PLXNA1: variants seen among roughly 807,000 people sequenced by gnomAD.
PLXNA1 encodes plexin A1.
PLXNA1 carries 77 observed loss-of-function variants against 191.7 expected under a neutral mutation model. That is an observed-to-expected ratio of 0.40 (90% CI 0.33 to 0.49). The LOEUF is 0.49. Among genes scored for constraint, PLXNA1 ranks in the 20% least tolerant of loss-of-function variants. The pLI, the probability that PLXNA1 is intolerant of heterozygous loss-of-function variation, is 0.63. For synonymous variants in PLXNA1, 1,137 were observed against 1,156.4 expected (o/e 0.98, Z 0.34); for missense variants, 2,110 against 2,660.2 (o/e 0.79, Z 4.55).
intron 9 of PLXNA1, among the ~76,000 whole-genome samples, chr3:127,008,211 T>C (rs2079078215): frequency 6.6e-6 from 1 of 152,136 alleles, no homozygotes. Flanking sequence ...GTTCTGTCCC[T>C]GGGCCTCTGT....
rs2107641809 is a variant in PLXNA1 at position 127,037,332 on chromosome 3, A to T, written c.*3315A>T. On this transcript the variant is annotated 3_prime_UTR_variant, in exon 32 of 32. Coordinates refer to ENST00000393409, the MANE Select transcript of PLXNA1 (RefSeq NM_032242.4). ...TATTTCCTATTTTACTGTTCTTCAGATTTAGTACTTGTAAATAAACACACA... is the reference window on the plus strand; with the variant it reads ...TATTTCCTATTTTACTGTTCTTCAGTTTTAGTACTTGTAAATAAACACACA... The T allele has an allele frequency of 6.5e-6, 1 of 152,744 alleles. No homozygotes were observed. Among genetic ancestry groups the T allele is most frequent in the East Asian group, 1.9e-4 (1 of 5,172 alleles). The allele number at this position is 152,744 out of a possible 1,614,324, so 9.5% of individuals were successfully genotyped here. A position where few individuals can be genotyped will look rare whatever the true frequency, so the allele number is the denominator to read the frequency against.
chr3:127,001,359 G>A (rs1340775605), intron 3 of PLXNA1, among the ~76,000 whole-genome samples: 2 of 151,968 alleles, frequency 1.3e-5, no homozygotes, highest in East Asian at 3.9e-4. Context: ...TGTCCTTGTT[G>A]AGACACCTCT....
chr3:127,018,064 C>T (rs1467732184), intron 19 of PLXNA1, among the ~76,000 whole-genome samples, 172 bp downstream of exon 19: 2 of 152,086 alleles, frequency 1.3e-5, no homozygotes, highest in Non-Finnish European at 2.9e-5. Flanking sequence ...CCTCCTTGAG[C>T]CCCCCGAGAC....
chr3:127,022,303 C>T lies in PLXNA1; in HGVS notation c.4257C>T (p.Asn1419=), dbSNP rs1559964278. The change falls in exon 22 of 32, where the codon AAC becomes AAT. Residue 1419 remains asparagine (N), a synonymous_variant. Transcript: ENST00000393409. ...KQLLSDLIEK[N]LESKNHPKLL... Reference sequence around the variant, plus strand: ...TGCTTTCCGACCTCATCGAGAAGAACCTGGAGAGCAAGAACCACCCCAAGC... The same window carrying T: ...TGCTTTCCGACCTCATCGAGAAGAATCTGGAGAGCAAGAACCACCCCAAGC... The T allele has an allele frequency of 6.2e-7, 1 of 1,612,814 alleles. No individual in the cohort carries two copies. Among genetic ancestry groups the T allele is most frequent in the Non-Finnish European group, 8.5e-7 (1 of 1,179,304 alleles).
rs373733764 is a variant in PLXNA1, at chr3:127,022,937, G to A, written c.4362+119G>A. ...AATGACAGCTGGTGGGGTCTTGGTC[G>A]AGTTCTGGCTTGGGCCAAGGCCCCT... On this transcript the variant is annotated intron_variant, in intron 23 of 31. Transcript: ENST00000393409. 1.7e-5 allele frequency: 16 copies of A among 930,236 alleles called. No individual in the cohort carries two copies. In the East Asian group the frequency reaches 2.3e-4, roughly 13 times the overall value. The allele number at this position is 930,236 out of a possible 1,614,324, so 57.6% of individuals were successfully genotyped here.
In PLXNA1 at chr3:127,016,919, C is replaced by A. The variant is rs528415480; in HGVS notation, c.3183-25C>A. 1.3e-5 allele frequency: 21 copies of A among 1,574,504 alleles called. No homozygotes were observed. The East Asian group carries it at 3.8e-4, about 29-fold the overall frequency. Reference sequence around the variant, plus strand: ...ACTGGGCCCCAGCATCATTTGGTGACCCCCCCACCCCTGTCCTGTTCCAGC... The same window carrying A: ...ACTGGGCCCCAGCATCATTTGGTGAACCCCCCACCCCTGTCCTGTTCCAGC... On this transcript the variant is annotated intron_variant, in intron 16 of 31. Coordinates refer to ENST00000393409, the MANE Select transcript of PLXNA1 (RefSeq NM_032242.4).
chr3:127,006,124 G>C lies in PLXNA1; in HGVS notation c.1943G>C (p.Gly648Ala). Residue 648 changes from glycine to alanine, a missense_variant, in exon 8 of 32, where the codon GGG becomes GCG. This residue lies in a region of PLXNA1 where 903 missense variants were observed against 1,015.7 expected (regional missense o/e 0.89). Transcript: ENST00000393409. ...CTCTACCTAAAGTCCAAGGAGACAG[G>C]GAAGAAGTTTGCGTCTGTGGACTTC... ...VKLYLKSKET[G>A]KKFASVDFVF... 1 of 1,613,910 alleles carries C rather than the reference G, an allele frequency of 6.2e-7. No homozygotes were observed. Among genetic ancestry groups the C allele is most frequent in the African/African-American group, 1.3e-5 (1 of 75,058 alleles).
In PLXNA1 at chr3:127,011,074, G is replaced by A. The variant is rs373535591; in HGVS notation, c.2113-884G>A. ...GCCTCAGCATGCAGAGTCACTGGGC[G>A]CGCCTCAGACTGCCAGGGAGGTACA... On this transcript the variant is annotated intron_variant, in intron 9 of 31. Transcript: ENST00000393409. 2.6e-3 allele frequency among the ~76,000 whole-genome samples: 395 copies of A among 152,346 alleles called. 4 individuals are homozygous for A. Among genetic ancestry groups the A allele is most frequent in the African/African-American group, 8.5e-3 (354 of 41,586 alleles).
chr3:127,004,939 G>T lies in PLXNA1; in HGVS notation c.1674G>T (p.Ala558=). The T allele has an allele frequency of 6.2e-7, 1 of 1,608,914 alleles. No homozygotes were observed. The highest frequency in any genetic ancestry group is 8.5e-7 in the Non-Finnish European group (1 of 1,176,940). ...ERADEPQRFA[A]DLLQCVQLTV... is the part of the protein sequence containing the mutation. Reference sequence around the variant, plus strand: ...CAGACGAGCCCCAGCGCTTTGCTGCGGACCTGCTGCAGTGTGTGCAGCTGA... The same window carrying T: ...CAGACGAGCCCCAGCGCTTTGCTGCTGACCTGCTGCAGTGTGTGCAGCTGA... Residue 558 remains alanine, a synonymous_variant, in exon 6 of 32, where the codon GCG becomes GCT. Coordinates refer to ENST00000393409, the MANE Select transcript of PLXNA1 (RefSeq NM_032242.4).
chr3:126,998,369 G>A (rs933102830), intron 3 of PLXNA1, among the ~76,000 whole-genome samples: 1 of 152,164 alleles, frequency 6.6e-6, no homozygotes, highest in Non-Finnish European at 1.5e-5. Flanking sequence ...AGGGCACCAG[G>A]CAGCTGGTGG....
chr3:126,984,625 G>T (rs568555363), intron 1 of PLXNA1, among the ~76,000 whole-genome samples: 1 of 151,508 alleles, frequency 6.6e-6, no homozygotes, highest in Non-Finnish European at 1.5e-5. Context: ...ATTCCTGGGG[G>T]GTGCCAGTGG....
intron 3 of PLXNA1, among the ~76,000 whole-genome samples, chr3:126,996,302 G>A (rs1006671711): frequency 1.3e-5 from 2 of 152,180 alleles, no homozygotes; most frequent in Non-Finnish European, 1.5e-5. Context: ...GCTGCCTGGG[G>A]ACAAGGAACA....
Position 127,036,228 on chromosome 3 carries a change from G to A in PLXNA1, c.*2211G>A, listed in dbSNP as rs3749396. On this transcript the variant is annotated 3_prime_UTR_variant, in exon 32 of 32. Coordinates refer to ENST00000393409, the MANE Select transcript of PLXNA1 (RefSeq NM_032242.4). ...GTCCCTGGTTCTTCCAGTTCCTCACGGGTTAGGTAGGGGCTCCTGCATCAC... is the reference window on the plus strand; with the variant it reads ...GTCCCTGGTTCTTCCAGTTCCTCACAGGTTAGGTAGGGGCTCCTGCATCAC... 1 of 152,654 alleles carries A rather than the reference G, an allele frequency of 6.6e-6. No individual in the cohort carries two copies. Among genetic ancestry groups the A allele is most frequent in the Admixed American group, 6.5e-5 (1 of 15,282 alleles). The allele number at this position is 152,654 out of a possible 1,614,324, so 9.5% of individuals were successfully genotyped here.
rs375859367 is a variant in PLXNA1 at position 126,988,613 on chromosome 3, G to A, written c.20G>A (p.Ser7Asn). MPLPPR[S>N]LQVLLLLLLL... The stretch of plus-strand genomic sequence containing the variant: ...CCTGCCATGCCGCTGCCACCGCGGA[G>A]CCTGCAGGTGCTCCTGCTGCTGCTG... Residue 7 changes from serine to asparagine, a missense_variant, in exon 2 of 32, where the codon AGC becomes AAC. Coordinates refer to ENST00000393409, the MANE Select transcript of PLXNA1 (RefSeq NM_032242.4). The A allele has an allele frequency of 6.4e-7, 1 of 1,553,176 alleles. No homozygotes were observed. The highest frequency in any genetic ancestry group is 8.7e-7 in the Non-Finnish European group (1 of 1,151,098).
Position 127,035,711 on chromosome 3 carries a change from A to G in PLXNA1, c.*1694A>G, listed in dbSNP as rs1259853040. On this transcript the variant is annotated 3_prime_UTR_variant, in exon 32 of 32. Coordinates refer to ENST00000393409, the MANE Select transcript of PLXNA1 (RefSeq NM_032242.4). ...ATCCCATGGACATTAAGGGACAGCT[A>G]ACTGTGGCCAGACTCAGCCCCATGT... 1.3e-5 allele frequency: 2 copies of G among 152,462 alleles called. No homozygotes were observed. Among genetic ancestry groups the G allele is most frequent in the South Asian group, 2.1e-4 (1 of 4,824 alleles). 9.4% of individuals were successfully genotyped at this position (152,462 alleles called of 1,614,324 possible).
At position 127,028,017 on chromosome 3, in the gene PLXNA1, C is replaced by A. The variant is rs1252436035; in HGVS notation, c.4440C>A (p.Ile1480=). ...QQMEKGPIDA[I]TGEARYSLSE... is the part of the protein sequence containing the mutation. ...TGGAGAAGGGCCCCATTGACGCCAT[C>A]ACGGGTGAGGCACGCTACTCCCTGA... is the stretch of plus-strand genomic sequence containing the variant. Residue 1480 remains isoleucine, a synonymous_variant, in exon 24 of 32, where the codon ATC becomes ATA. Coordinates refer to ENST00000393409, the MANE Select transcript of PLXNA1 (RefSeq NM_032242.4). The A allele has an allele frequency of 6.2e-7, 1 of 1,613,924 alleles. No homozygotes were observed. Among genetic ancestry groups the A allele is most frequent in the African/African-American group, 1.3e-5 (1 of 74,928 alleles).
intron 4 of PLXNA1, 32 bp from the exon 5 acceptor site, chr3:127,004,579 A>C (rs2079056180): frequency 1.4e-6 from 2 of 1,476,218 alleles, no homozygotes; most frequent in South Asian, 1.2e-5. Context: ...CTGGGGTGGT[A>C]CTGGAGGGGC....
intron 19 of PLXNA1, 79 bp from the exon 20 acceptor site, chr3:127,018,214 TG>T: frequency 8.0e-7 from 1 of 1,245,934 alleles, no homozygotes; most frequent in Non-Finnish European, 1.1e-6. Flanking sequence ...GTGTTGGGGG[TG>T]GGTCTTGCCC....
Position 127,004,966 on chromosome 3 carries a change from T to G in PLXNA1, c.1701T>G (p.Thr567=), listed in dbSNP as rs1428226277. The change falls in exon 6 of 32, where the codon ACT becomes ACG. Residue 567 remains threonine (T), a synonymous_variant. Coordinates refer to ENST00000393409, the MANE Select transcript of PLXNA1 (RefSeq NM_032242.4). ...ACCTGCTGCAGTGTGTGCAGCTGAC[T>G]GTGCAGCCCCGCAATGTGTCTGTCA... ...AADLLQCVQL[T]VQPRNVSVTM... is the part of the protein sequence containing the mutation. The G allele has an allele frequency of 4.3e-6, 7 of 1,610,280 alleles. No individual in the cohort carries two copies. In the Admixed American group the frequency reaches 1.0e-4, roughly 23 times the overall value.
Sources: allele counts gnomAD v4.1 joint callset (sites outside exome capture counted in the v4.1 genomes callset), GRCh38; gene constraint gnomAD v4.1.1; regional missense constraint gnomAD v4.1.1; transcripts MANE v1.5; gene names NCBI Gene and HGNC (gene_info 2026-07-23, HGNC 2026-07-21).